The following CCDC144A variants were observed in gnomAD, a reference collection of about 807,000 sequenced individuals.
The protein encoded by CCDC144A is coiled-coil domain containing 144A.
A neutral mutation model predicts 143.8 loss-of-function variants in CCDC144A; 41 were observed. The observed-to-expected ratio is 0.29, with a 90% CI of 0.22 to 0.37. The LOEUF (loss-of-function observed/expected upper bound fraction) is 0.37, where lower values mean the gene tolerates loss of function less well. Among genes scored for constraint, CCDC144A ranks in the 10% least tolerant of loss-of-function variants. The pLI is 1.00. For missense variants in CCDC144A, 637 were observed against 1,488.8 expected (o/e 0.43, Z 9.41); for synonymous variants, 242 against 517.9 (o/e 0.47, Z 7.23).
In CCDC144A at chr17:16,755,929, C is replaced by T. The variant is rs548726289; in HGVS notation, c.3373-5496C>T. Among the ~76,000 whole-genome samples, 20 of 152,152 alleles carry T rather than the reference C, an allele frequency of 1.3e-4. No individual in the cohort carries two copies. The East Asian group carries it at 2.3e-3, about 18-fold the overall frequency. ...TCTTGACAGGCAGTCTTTTTCTTCC[C>T]GCATATTAAATATATCATGTCATTC... On this transcript the variant is annotated intron_variant, in intron 12 of 16. Transcript: ENST00000399273.
chr17:16,688,535 C>T (rs541856738), upstream of CCDC144A, among the ~76,000 whole-genome samples: 84 of 121,840 alleles, frequency 6.9e-4, no homozygotes, highest in African/African-American at 2.3e-3. Context: ...TGTCGCCAGG[C>T]TGGAGTACAG....
chr17:16,737,519 A>G (rs1263851419), intron 12 of CCDC144A: 1 of 1,252,626 alleles, frequency 8.0e-7, no homozygotes, highest in Non-Finnish European at 1.0e-6. Flanking sequence ...TAAATCAGTA[A>G]CAAAAAATAC....
At chr17:16,725,033 T>TGTG (rs1450958906) in intron 8 of CCDC144A, among the ~76,000 whole-genome samples, 1 of 94,300 alleles carries the variant, frequency 1.1e-5, no homozygotes, top group Admixed American at 1.2e-4. Flanking sequence ...TTTTTTTTTT[T>TGTG]TGTGTGAAAT....
the CCDC144A span, among the ~76,000 whole-genome samples, chr17:16,681,859 C>CA: frequency 0.022 from 2,681 of 120,226 alleles, 68 homozygotes; most frequent in African/African-American, 0.072. Context: ...AACTCCGTCT[C>CA]AAAAAAAAAA....
At chr17:16,671,753 C>A in the CCDC144A span, among the ~76,000 whole-genome samples, 1 of 151,976 alleles carries the variant, frequency 6.6e-6, no homozygotes, top group African/African-American at 2.4e-5. Flanking sequence ...AGGGGATAAT[C>A]ATTCTCATTT....
intron 9 of CCDC144A, among the ~76,000 whole-genome samples, chr17:16,729,963 CATATATATATAT>C (rs59756018): frequency 6.0e-4 from 56 of 94,076 alleles, no homozygotes; most frequent in Admixed American, 3.1e-3. Context: ...TAGGTAGTTT[CATATATATATAT>C]ATATATATAT....
At chr17:16,710,522 T>C (rs1912346572) in intron 5 of CCDC144A, among the ~76,000 whole-genome samples, 1 of 152,192 alleles carries the variant, frequency 6.6e-6, no homozygotes, top group South Asian at 2.1e-4. Context: ...ACTTTAAATA[T>C]TTTTCAACAA....
Position 16,708,794 on chromosome 17 carries a change from A to G in CCDC144A, c.739-2A>G. On this transcript the variant is annotated splice_acceptor_variant, in intron 4 of 16. Transcript: ENST00000399273. LOFTEE classifies it high-confidence loss of function. Reference sequence around the variant, plus strand: ...ATTAATCTTCCACTTTTGCATCTGCAGAAAACGTCTCAAGAACCAGAAATG... The same window carrying G: ...ATTAATCTTCCACTTTTGCATCTGCGGAAAACGTCTCAAGAACCAGAAATG... The G allele has an allele frequency of 6.2e-7, 1 of 1,611,752 alleles. No homozygotes were observed. The highest frequency in any genetic ancestry group is 8.5e-7 in the Non-Finnish European group (1 of 1,179,716).
chr17:16,691,072 G>A (rs1471448634), intron 1 of CCDC144A, among the ~76,000 whole-genome samples: 6 of 152,114 alleles, frequency 3.9e-5, no homozygotes, highest in Non-Finnish European at 5.9e-5. Flanking sequence ...CATGTTGGCC[G>A]AGCTCGGTGG....
chr17:16,689,952 GGCACCGCCAC>G (rs1277054135), upstream of CCDC144A: 1 of 154,346 alleles, frequency 6.5e-6, no homozygotes, highest in East Asian at 1.9e-4. Context: ...AGGCAGGCTG[GGCACCGCCAC>G]CCCGAAACCT....
intron 8 of CCDC144A, among the ~76,000 whole-genome samples, chr17:16,724,939 C>A (rs942914866): frequency 3.4e-5 from 5 of 146,674 alleles, no homozygotes; most frequent in African/African-American, 5.0e-5. Flanking sequence ...GCATGAGCCA[C>A]CGCGCCCAGC....
chr17:16,746,862 C>T (rs3101948), intron 12 of CCDC144A: 76,377 of 738,158 alleles, frequency 0.1, 4,858 homozygotes, highest in Non-Finnish European at 0.13. Context: ...GCCCCTCCCT[C>T]CTCTCCCTTC....
intron 14 of CCDC144A, among the ~76,000 whole-genome samples, chr17:16,763,184 C>T (rs3114286): frequency 2.1e-5 from 3 of 145,420 alleles, no homozygotes; most frequent in Non-Finnish European, 4.6e-5. Context: ...CAGCCTGAGG[C>T]GGTATATGGA....
In CCDC144A at chr17:16,727,579, A is replaced by C; in HGVS notation, c.1944A>C (p.Leu648Phe). 1 of 1,067,456 alleles carries C rather than the reference A, an allele frequency of 9.4e-7. No individual in the cohort carries two copies. Among genetic ancestry groups the C allele is most frequent in the Non-Finnish European group, 1.3e-6 (1 of 744,724 alleles). 66.1% of individuals were successfully genotyped at this position (1,067,456 alleles called of 1,614,324 possible). A position where few individuals can be genotyped will look rare whatever the true frequency, so the allele number is the denominator to read the frequency against. The change falls in exon 9 of 17, where the codon TTA becomes TTC. Residue 648 changes from leucine to phenylalanine, a missense_variant. Leu to Phe is a conservative substitution (Grantham distance 22, BLOSUM62 0). Coordinates refer to ENST00000399273, the MANE Select transcript of CCDC144A (RefSeq NM_001382000.1). ...IQDTFCLCEH[L>F]LKLKNNHCDQ... ...ACACATTTTGTTTGTGTGAACACTT[A>C]CTGAAACTTAAGAATAATCACTGTG...
intron 15 of CCDC144A, among the ~76,000 whole-genome samples, chr17:16,770,105 C>A (rs1231362566): frequency 6.6e-6 from 1 of 151,042 alleles, no homozygotes. Flanking sequence ...AGATTACAGG[C>A]GTGAGCCACC....
At chr17:16,683,760 A>G in the CCDC144A span, 1 of 1,523,370 alleles carries the variant, frequency 6.6e-7, no homozygotes, top group Non-Finnish European at 9.1e-7. Context: ...TGGAGATGAA[A>G]GCGCAGAGCC....
At chr17:16,751,061 G>T (rs1333361485) in intron 12 of CCDC144A, among the ~76,000 whole-genome samples, 1 of 152,172 alleles carries the variant, frequency 6.6e-6, no homozygotes, top group East Asian at 1.9e-4. Context: ...ATTTATAGCT[G>T]GGGAGCTAGT....
At chr17:16,673,106 CCAATCATTTTGTGTTGAGGTTGGTAG>C in the CCDC144A span, among the ~76,000 whole-genome samples, 1 of 151,958 alleles carries the variant, frequency 6.6e-6, no homozygotes, top group East Asian at 1.9e-4. Context: ...TAATGATGTA[CCAATCATTTTGTGTTGAGGTTGGTAG>C]CATTTTCTTT....
At chr17:16,718,712 T>C (rs2143171112) in intron 6 of CCDC144A, among the ~76,000 whole-genome samples, 1 of 147,600 alleles carries the variant, frequency 6.8e-6, no homozygotes, top group South Asian at 2.2e-4. Flanking sequence ...CTCTAAAATG[T>C]CAGGAGTATC....
Sources: gnomAD v4.1 joint callset for allele counts (sites outside exome capture counted in the v4.1 genomes callset) on GRCh38, gnomAD v4.1.1 for gene constraint, MANE v1.5 for transcripts, NCBI Gene and HGNC (gene_info 2026-07-23, HGNC 2026-07-21) for gene names.